The following MACF1 variants were observed in gnomAD, a reference collection of about 807,000 sequenced individuals.
The protein encoded by MACF1 is microtubule actin crosslinking factor 1.
Under a neutral mutation model 854.8 loss-of-function variants are expected in MACF1, and 193 were observed. That is an observed-to-expected ratio of 0.23 (90% CI 0.20 to 0.25). The LOEUF (loss-of-function observed/expected upper bound fraction) is 0.25. MACF1 is among the 10% of genes least tolerant of loss of function. The pLI is 1.00. For missense variants in MACF1, 7,722 were observed against 8,929.1 expected (o/e 0.86, Z 5.45); for synonymous variants, 3,185 against 3,226.7 (o/e 0.99, Z 0.44).
rs1288987010 is a variant in MACF1, at chr1:39,331,545, G to T, written c.4957G>T (p.Glu1653Ter). The T allele has an allele frequency of 1.2e-6, 2 of 1,614,058 alleles. No individual in the cohort carries two copies. Among genetic ancestry groups the T allele is most frequent in the Non-Finnish European group, 1.7e-6 (2 of 1,180,030 alleles). ...TGAGACAGTTGGACTGAAAATCTTAGAAGCTCACCTGGCAACTGGAGGTTT... is the reference window on the plus strand; with the variant it reads ...TGAGACAGTTGGACTGAAAATCTTATAAGCTCACCTGGCAACTGGAGGTTT... ...ISETVGLKIL[E>*]AHLATGGFSL... The change falls in exon 37 of 101, where the codon GAA (glutamate) becomes TAA (stop). Residue 1653 changes from glutamate (E) to a stop codon, truncating the protein, a stop_gained. Coordinates refer to ENST00000564288, the MANE Select transcript of MACF1 (RefSeq NM_001394062.1). LOFTEE classifies it high-confidence loss of function.
chr1:39,121,000 C>A (rs1642693436), intron 2 of MACF1: 1 of 152,372 alleles, frequency 6.6e-6, no homozygotes, highest in South Asian at 2.1e-4. Context: ...TCCCTAACCT[C>A]TCTGTTGTTC....
At chr1:39,312,638 G>A (rs555582359) in intron 26 of MACF1, among the ~76,000 whole-genome samples, 11 of 152,134 alleles carry the variant, frequency 7.2e-5, no homozygotes, top group African/African-American at 1.4e-4. Flanking sequence ...CAGCCTGGCC[G>A]ACATGGCAAA....
At chr1:39,381,647 A>G (rs1011823949) in intron 55 of MACF1, among the ~76,000 whole-genome samples, 3 of 152,098 alleles carry the variant, frequency 2.0e-5, no homozygotes, top group African/African-American at 4.8e-5. Flanking sequence ...CCTGGGCAAC[A>G]TAGGGAGATC....
chr1:39,335,527 T>A lies in MACF1; in HGVS notation c.8939T>A (p.Val2980Glu). 1 of 1,613,256 alleles carries A rather than the reference T, an allele frequency of 6.2e-7. No individual in the cohort carries two copies. Residue 2980 changes from valine to glutamate, a missense_variant, in exon 37 of 101, where the codon GTG (valine) becomes GAG (glutamate). By Grantham distance (121) the Val-to-Glu change is moderately radical. Transcript: ENST00000564288. ...AAAAGTAAGAGAGAGAAGAGGGAGG[T>A]GATTGTAGAAGAAAGTATCAGAACA... is the stretch of plus-strand genomic sequence containing the variant. ...RVKSKREKREVIVEESIRTCK... is the reference protein window; with the variant it reads ...RVKSKREKREEIVEESIRTCK...
rs1569936543 is a variant in MACF1 at position 39,409,721 on chromosome 1, A to G, written c.15817-12653A>G. ...GCCGACCAGCCCAGTTCAAATGCAA[A>G]CACCCCAGCTAGGGAGGACGAATGG... is the stretch of plus-strand genomic sequence containing the variant. On this transcript the variant is annotated intron_variant, in intron 58 of 100. Coordinates refer to ENST00000564288, the MANE Select transcript of MACF1 (RefSeq NM_001394062.1). This position sits in a 1 kb window ranked among gnomAD's most constrained non-coding sequence, Gnocchi z 4.2. 6.6e-6 allele frequency: 1 copy of G among 152,506 alleles called. No homozygotes were observed. The highest frequency in any genetic ancestry group is 6.5e-5 in the Admixed American group (1 of 15,296). The allele number at this position is 152,506 out of a possible 1,614,324, so 9.4% of individuals were successfully genotyped here.
intron 2 of MACF1, among the ~76,000 whole-genome samples, chr1:39,142,696 A>G (rs778041709): frequency 1.5e-4 from 23 of 152,210 alleles, no homozygotes; most frequent in Non-Finnish European, 4.4e-5. Context: ...GGGACACCTC[A>G]TTAGCTATCA....
At chr1:39,394,917 C>T (rs1642212438) in intron 58 of MACF1, among the ~76,000 whole-genome samples, 1 of 152,192 alleles carries the variant, frequency 6.6e-6, no homozygotes, top group Non-Finnish European at 1.5e-5. Flanking sequence ...TCCCTGCCAA[C>T]CCCCACCTTG....
rs1344879426 is a variant in MACF1 at position 39,434,434 on chromosome 1, A to G, written c.17586A>G (p.Ile5862Met). The change falls in exon 69 of 101, where the codon ATA (isoleucine) becomes ATG (methionine). Residue 5862 changes from isoleucine to methionine, a missense_variant. Around this residue, in one of 15 missense-constraint regions of MACF1, gnomAD observed 2,807 missense variants for 3,235.8 expected, o/e 0.87. Coordinates refer to ENST00000564288, the MANE Select transcript of MACF1 (RefSeq NM_001394062.1). The part of the protein sequence containing the change: ...TVLQEKTESL[I>M]QQYEAISLLN... The stretch of plus-strand genomic sequence containing the variant: ...CATAGGAAAAGACAGAGTCTCTAAT[A>G]CAGCAATATGAAGCCATTAGCCTAC... 3 of 1,604,590 alleles carry G rather than the reference A, an allele frequency of 1.9e-6. No homozygotes were observed. The highest frequency in any genetic ancestry group is 2.8e-5 in the African/African-American group (2 of 72,456).
rs754585049 is a variant in MACF1 at position 39,134,034 on chromosome 1, C to CTTTT, written c.220+49617_220+49620dup. ...TAGATATTATCATCAGAAGAACAGT[C>CTTTT]TTTTTTTTTTTTTTTTTTTTTTTTG... is the stretch of plus-strand genomic sequence containing the variant. On this transcript the variant is annotated intron_variant, in intron 2 of 93. Coordinates refer to the MACF1 transcript ENST00000361689. 2.9e-3 allele frequency among the ~76,000 whole-genome samples: 210 copies of CTTTT among 71,630 alleles called. 7 individuals are homozygous for CTTTT. The highest frequency in any genetic ancestry group is 0.014 in the Middle Eastern group (1 of 74). 47.0% of individuals were successfully genotyped at this position (71,630 alleles called of 152,430 possible).
At chr1:39,239,230 G>C (rs752137775) in intron 2 of MACF1, among the ~76,000 whole-genome samples, 23 of 152,140 alleles carry the variant, frequency 1.5e-4, no homozygotes, top group Non-Finnish European at 3.2e-4. Flanking sequence ...GCAGTGAGCT[G>C]AGATCGTGCC....
At chr1:39,352,969 G>A in intron 43 of MACF1, 38 bp from the exon 44 acceptor site, 1 of 1,483,490 alleles carries the variant, frequency 6.7e-7, no homozygotes, top group South Asian at 1.1e-5. Context: ...GATTGAGTAT[G>A]TAAAGCCTTC....
At chr1:39,313,549 C>T (rs143985930) in intron 26 of MACF1, among the ~76,000 whole-genome samples, 3 of 152,122 alleles carry the variant, frequency 2.0e-5, no homozygotes, top group African/African-American at 7.2e-5. Context: ...TTCTCTCCCT[C>T]CCTCCCTTTT....
intron 2 of MACF1, among the ~76,000 whole-genome samples, chr1:39,146,342 C>T (rs1045801319): frequency 6.6e-6 from 1 of 151,582 alleles, no homozygotes; most frequent in Non-Finnish European, 1.5e-5. Flanking sequence ...ACTCGGGAGG[C>T]TGAGGCAGGA....
At chr1:39,351,105 C>A in intron 43 of MACF1, 87 bp downstream of exon 43, 1 of 920,050 alleles carries the variant, frequency 1.1e-6, no homozygotes, top group Non-Finnish European at 1.6e-6. Flanking sequence ...GGAAAACAGG[C>A]TTATAGCATG....
rs115915034 is a variant in MACF1, at chr1:39,270,506, G to A, written c.529-11702G>A. On this transcript the variant is annotated intron_variant, in intron 6 of 100. Transcript: ENST00000564288. ...GGCAGTTTCTGTGAATGTTTTAAAG[G>A]TCAAGGAGCAAGTGAGAATTCAGAG... 8.3e-3 allele frequency among the ~76,000 whole-genome samples: 1,263 copies of A among 152,268 alleles called. 14 individuals are homozygous for A. Among genetic ancestry groups the A allele is most frequent in the African/African-American group, 0.028 (1,180 of 41,540 alleles).
Position 39,350,991 on chromosome 1 carries a change from C to T in MACF1, c.11172C>T (p.Thr3724=). ...AGAAGGAACTGGAGGAAGCAGTGACCTCCGCCTTACAGCAGGAGACTGAAA... is the reference window on the plus strand; with the variant it reads ...AGAAGGAACTGGAGGAAGCAGTGACTTCCGCCTTACAGCAGGAGACTGAAA... The part of the protein sequence containing the change: ...VAQKELEEAV[T]SALQQETEKS... The change falls in exon 43 of 101, where the codon ACC becomes ACT. Residue 3724 remains threonine, a synonymous_variant. Transcript: ENST00000564288. 1 of 1,614,068 alleles carries T rather than the reference C, an allele frequency of 6.2e-7. No individual in the cohort carries two copies.
chr1:39,090,309 T>C (rs1482436487), intron 2 of MACF1, among the ~76,000 whole-genome samples: 1 of 152,176 alleles, frequency 6.6e-6, no homozygotes, highest in Non-Finnish European at 1.5e-5. Flanking sequence ...TGGAGCTTGG[T>C]TTCAGTAGCA....
intron 5 of MACF1, 72 bp from the exon 6 acceptor site, chr1:39,257,864 T>C (rs886392342): frequency 9.1e-7 from 1 of 1,095,458 alleles, no homozygotes; most frequent in Non-Finnish European, 1.4e-6. Flanking sequence ...AAATCAATAA[T>C]GAAGTGATGC....
At chr1:39,300,076 T>C (rs1646008315) in intron 21 of MACF1, 134 bp from the exon 22 acceptor site, 2 of 848,780 alleles carry the variant, frequency 2.4e-6, no homozygotes, top group African/African-American at 3.4e-5. Flanking sequence ...GTCTTTAAGA[T>C]GGCTCCACCA....
Sources: allele counts gnomAD v4.1 joint callset (sites outside exome capture counted in the v4.1 genomes callset), GRCh38; gene constraint gnomAD v4.1.1; regional missense constraint gnomAD v4.1.1; non-coding constraint Gnocchi (gnomAD v3.1); transcripts MANE v1.5; gene names NCBI Gene and HGNC (gene_info 2026-07-23, HGNC 2026-07-21).